Variants in DAB1 observed in about 807,000 individuals in gnomAD.
DAB1 encodes the protein DAB adaptor protein 1.
In DAB1, 15 loss-of-function variants were observed where a neutral mutation model predicts 64.6. The ratio of observed to expected loss-of-function variants is 0.23; its 90% CI spans 0.16 to 0.36. The LOEUF is 0.36. Among genes scored for constraint, DAB1 ranks in the 10% least tolerant of loss-of-function variants. The probability of loss-of-function intolerance (pLI) is 1.00; values close to 1 mark genes in which losing one functional copy is unlikely to be tolerated. For missense variants in DAB1, 596 were observed against 706.7 expected (o/e 0.84, Z 1.78); for synonymous variants, 235 against 251.9 (o/e 0.93, Z 0.64).
chr1:58,165,903 C>A (rs139716925), intron 4 of DAB1, among the ~76,000 whole-genome samples: 14 of 152,286 alleles, frequency 9.2e-5, no homozygotes, highest in Middle Eastern at 6.8e-3. Flanking sequence ...TCATTTAATT[C>A]TTTGTAAAAC....
chr1:58,091,592 T>C (rs1650658123), intron 5 of DAB1, among the ~76,000 whole-genome samples: 1 of 152,086 alleles, frequency 6.6e-6, no homozygotes, highest in Admixed American at 6.5e-5. Context: ...ATCACAGACA[T>C]GAGATCCATC....
chr1:58,510,207 T>A (rs1363335093), intron 2 of DAB1, among the ~76,000 whole-genome samples: 1 of 152,074 alleles, frequency 6.6e-6, no homozygotes, highest in African/African-American at 2.4e-5. Context: ...ATATCCCTGA[T>A]GAACATAAAT....
intron 4 of DAB1, among the ~76,000 whole-genome samples, chr1:57,096,130 G>T (rs1347380187): frequency 6.6e-6 from 1 of 152,134 alleles, no homozygotes; most frequent in African/African-American, 2.4e-5. Context: ...AACTGATAGG[G>T]AAATCGAAGC....
intron 7 of DAB1, among the ~76,000 whole-genome samples, chr1:57,583,423 A>G (rs1410951121): frequency 6.6e-6 from 1 of 151,232 alleles, no homozygotes; most frequent in Non-Finnish European, 1.5e-5. Context: ...AGTAGCTGGG[A>G]CTACACGCGC....
intron 7 of DAB1, among the ~76,000 whole-genome samples, chr1:57,596,300 C>T (rs1038090413): frequency 1.3e-4 from 19 of 141,800 alleles, no homozygotes; most frequent in African/African-American, 4.7e-4. Context: ...TACTCACCTT[C>T]AGGTGTTATT....
rs988420071 is a variant in DAB1 at position 58,488,602 on chromosome 1, C to G, written n.257+17458G>C. 4.6e-5 allele frequency among the ~76,000 whole-genome samples: 7 copies of G among 152,282 alleles called. No homozygotes were observed. In the Middle Eastern group the frequency reaches 0.01, roughly 222 times the overall value. On this transcript the variant is annotated intron_variant and non_coding_transcript_variant, in intron 3 of 20. Coordinates refer to the DAB1 transcript ENST00000485760. ...GAGTAGCTGGGATTACAGGCATGAGCCACCATGTCTCGCTAATTTTTGTAT... is the reference window on the plus strand; with the variant it reads ...GAGTAGCTGGGATTACAGGCATGAGGCACCATGTCTCGCTAATTTTTGTAT...
chr1:57,041,686 C>T (rs963255449), intron 9 of DAB1, among the ~76,000 whole-genome samples: 2 of 152,142 alleles, frequency 1.3e-5, no homozygotes, highest in African/African-American at 4.8e-5. Flanking sequence ...AATAGTAAGG[C>T]TTCCATTAGT....
chr1:57,871,338 G>A (rs963520255), intron 1 of DAB1, among the ~76,000 whole-genome samples: 6 of 151,780 alleles, frequency 4.0e-5, no homozygotes, highest in Non-Finnish European at 8.8e-5. Context: ...CAAGTGAATT[G>A]ATTTATTTAA....
intron 4 of DAB1, among the ~76,000 whole-genome samples, chr1:58,337,846 T>C (rs768635244): frequency 1.4e-4 from 22 of 152,186 alleles, no homozygotes; most frequent in Non-Finnish European, 2.8e-4. Flanking sequence ...TCAATAAATG[T>C]TAAGTTCAGT....
At chr1:57,656,927 C>T (rs1272228874) in intron 6 of DAB1, among the ~76,000 whole-genome samples, 1 of 152,114 alleles carries the variant, frequency 6.6e-6, no homozygotes, top group Middle Eastern at 3.2e-3. Context: ...ACATTAAGTA[C>T]TACTTTGAAA....
chr1:58,283,806 C>G (rs1249115745), intron 4 of DAB1, among the ~76,000 whole-genome samples: 1 of 152,118 alleles, frequency 6.6e-6, no homozygotes, highest in Non-Finnish European at 1.5e-5. Context: ...TTGGAGCTGC[C>G]CACATTGTCT....
At chr1:58,051,497 G>C (rs887046875) in intron 5 of DAB1, among the ~76,000 whole-genome samples, 1 of 152,120 alleles carries the variant, frequency 6.6e-6, no homozygotes, top group African/African-American at 2.4e-5. Context: ...GAATAGTGCT[G>C]CAATAGACAT....
chr1:57,060,308 G>A (rs968819060), intron 9 of DAB1, among the ~76,000 whole-genome samples: 46 of 151,804 alleles, frequency 3.0e-4, no homozygotes, highest in Non-Finnish European at 4.0e-4. Context: ...GCCTCACCAT[G>A]CCCGGCTAAT....
At chr1:58,282,542 C>A (rs1253934863) in intron 4 of DAB1, among the ~76,000 whole-genome samples, 1 of 151,258 alleles carries the variant, frequency 6.6e-6, no homozygotes, top group Non-Finnish European at 1.5e-5. Context: ...CAGAAGATTG[C>A]ATTTTAATCC....
intron 6 of DAB1, among the ~76,000 whole-genome samples, chr1:57,696,781 C>T (rs1298915007): frequency 6.6e-6 from 1 of 152,186 alleles, no homozygotes; most frequent in Non-Finnish European, 1.5e-5. Context: ...ATACTTCATG[C>T]CACCTATCTG....
At chr1:57,809,490 G>C (rs932854836) in intron 6 of DAB1, among the ~76,000 whole-genome samples, 2 of 152,114 alleles carry the variant, frequency 1.3e-5, no homozygotes, top group African/African-American at 4.8e-5. Context: ...TTTAAACTAA[G>C]ATCTTTCTGA....
rs368091707 is a variant in DAB1, at chr1:57,290,934, C to T, written c.67+30G>A. 7 of 1,493,662 alleles carry T rather than the reference C, an allele frequency of 4.7e-6. No individual in the cohort carries two copies. The African/African-American group carries it at 9.7e-5, about 21-fold the overall frequency. The allele number at this position is 1,493,662 out of a possible 1,614,324, so 92.5% of individuals were successfully genotyped here. A position where few individuals can be genotyped will look rare whatever the true frequency, so the allele number is the denominator to read the frequency against. Reference sequence around the variant, plus strand: ...AACTCATTCCTGTGCAGAAAAGTAGCCATTAAAAAAAGGTCAAATTCAGCC... The same window carrying T: ...AACTCATTCCTGTGCAGAAAAGTAGTCATTAAAAAAAGGTCAAATTCAGCC... On this transcript the variant is annotated intron_variant, in intron 2 of 14. Transcript: ENST00000371236.
intron 1 of DAB1, among the ~76,000 whole-genome samples, chr1:57,401,294 C>G (rs1683221953): frequency 6.6e-6 from 1 of 152,186 alleles, no homozygotes; most frequent in Non-Finnish European, 1.5e-5. Flanking sequence ...ATCTTGTTTT[C>G]TCTTTCCCTA....
chr1:57,382,701 T>C (rs1429943326), intron 1 of DAB1, among the ~76,000 whole-genome samples: 3 of 152,168 alleles, frequency 2.0e-5, no homozygotes, highest in African/African-American at 7.2e-5. Flanking sequence ...CTCTGGTTCT[T>C]TGCAGCCGGG....
Sources: allele counts gnomAD v4.1 joint callset (sites outside exome capture counted in the v4.1 genomes callset), GRCh38; gene constraint gnomAD v4.1.1; transcripts MANE v1.5; gene names NCBI Gene and HGNC (gene_info 2026-07-23, HGNC 2026-07-21).